UFSP2: variants seen among roughly 807,000 people sequenced by gnomAD.
UFSP2 encodes ufm1-specific protease 2.
In UFSP2, 43 loss-of-function variants were observed where a neutral mutation model predicts 60.2. The observed-to-expected ratio is 0.71, with a 90% CI of 0.56 to 0.92. The LOEUF is 0.92. Among genes scored for constraint, UFSP2 ranks in the 40% least tolerant of loss-of-function variants. The pLI is 0.00. For missense variants in UFSP2, 520 were observed against 575.0 expected (o/e 0.90, Z 0.98); for synonymous variants, 183 against 195.1 (o/e 0.94, Z 0.52).
chr4:185,401,360 C>A (rs182177443), intron 11 of UFSP2, among the ~76,000 whole-genome samples: 3 of 152,304 alleles, frequency 2.0e-5, no homozygotes, highest in Admixed American at 2.0e-4. Flanking sequence ...AATTTAATGT[C>A]CTAAAATCTG....
At chr4:185,404,623 T>C (rs1223595721) in intron 10 of UFSP2, among the ~76,000 whole-genome samples, 1 of 149,100 alleles carries the variant, frequency 6.7e-6, no homozygotes, top group African/African-American at 2.5e-5. Flanking sequence ...AGTCTTGCTC[T>C]GCTACCCAGG....
chr4:185,422,676 A>C, intron 1 of UFSP2, 113 bp from the exon 2 acceptor site: 2 of 754,294 alleles, frequency 2.7e-6, no homozygotes, highest in South Asian at 2.2e-5. Context: ...TGATTCTTCA[A>C]ATTATTTCAT....
rs762945790 is a variant in UFSP2 at position 185,405,789 on chromosome 4, C to G, written c.1189G>C (p.Val397Leu). 4 of 1,614,074 alleles carry G rather than the reference C, an allele frequency of 2.5e-6. No homozygotes were observed. The Admixed American group carries it at 6.7e-5, about 27-fold the overall frequency. ...GTCTGAAACAGCTTACCGATCATAA[C>G]TGGAGTTCCTTCACTTTGGAAATGA... ...ANHFQSEGTP[V>L]MIGGGVLAHT... The change falls in exon 10 of 12, where the codon GTT becomes CTT. Residue 397 changes from valine to leucine, a missense_variant. Transcript: ENST00000264689.
chr4:185,411,085 G>C (rs2095528484), intron 7 of UFSP2, among the ~76,000 whole-genome samples: 1 of 146,910 alleles, frequency 6.8e-6, no homozygotes, highest in Non-Finnish European at 1.5e-5. Context: ...ATCAAATACA[G>C]AAGTTATAAT....
intron 4 of UFSP2, among the ~76,000 whole-genome samples, chr4:185,416,480 A>G (rs1002784859): frequency 1.3e-5 from 2 of 152,180 alleles, no homozygotes; most frequent in Non-Finnish European, 2.9e-5. Flanking sequence ...TTTACACTAA[A>G]CTTATTTCGC....
At chr4:185,406,237 A>T in intron 9 of UFSP2, 1 of 265,628 alleles carries the variant, frequency 3.8e-6, no homozygotes, top group Non-Finnish European at 7.5e-6. Flanking sequence ...TCTTGCTGGT[A>T]GACTTCTTAG....
intron 11 of UFSP2, among the ~76,000 whole-genome samples, chr4:185,401,661 A>G (rs184996417): frequency 5.3e-4 from 81 of 152,300 alleles, no homozygotes; most frequent in Admixed American, 1.6e-3. Flanking sequence ...AAGTGAATCA[A>G]TAGTTTTAAT....
intron 11 of UFSP2, among the ~76,000 whole-genome samples, chr4:185,402,536 C>T (rs545468893): frequency 1.2e-4 from 18 of 152,264 alleles, no homozygotes; most frequent in Non-Finnish European, 7.4e-5. Flanking sequence ...GGTGCAATGG[C>T]GCCATCTCAG....
intron 11 of UFSP2, among the ~76,000 whole-genome samples, chr4:185,401,865 G>T (rs529656801): frequency 2.6e-5 from 4 of 152,306 alleles, no homozygotes; most frequent in African/African-American, 9.6e-5. Context: ...AGAGCCCCTT[G>T]AGTCAACCAG....
chr4:185,407,873 T>G, intron 9 of UFSP2, 63 bp downstream of exon 9: 3 of 1,523,872 alleles, frequency 2.0e-6, no homozygotes, highest in East Asian at 4.7e-5. Flanking sequence ...TTTCTATTAT[T>G]TTAATTAAAA....
chr4:185,420,969 C>G (rs1284229090), intron 2 of UFSP2, among the ~76,000 whole-genome samples: 1 of 152,100 alleles, frequency 6.6e-6, no homozygotes, highest in African/African-American at 2.4e-5. Context: ...AGTATGTTTT[C>G]AGTTTATATC....
rs1261933906 is a variant in UFSP2 at position 185,408,026 on chromosome 4, A to T, written c.1031T>A (p.Phe344Tyr). ...LVDAGDKPAT[F>Y]VGSRQWIGSI... ...TCCAATCCATTGCCGCGATCCGACA[A>T]ATGTTGCTGGTTTGTCCCCGGCATC... The change falls in exon 9 of 12, where the codon TTT (phenylalanine) becomes TAT (tyrosine). Residue 344 changes from phenylalanine to tyrosine, a missense_variant. Physicochemically the swap from Phe to Tyr is conservative, Grantham distance 22. Transcript: ENST00000264689. The T allele has an allele frequency of 1.9e-6, 3 of 1,613,946 alleles. No individual in the cohort carries two copies. The highest frequency in any genetic ancestry group is 2.5e-6 in the Non-Finnish European group (3 of 1,179,934).
Position 185,422,604 on chromosome 4 carries a change from A to G in UFSP2, c.4-41T>C, listed in dbSNP as rs1348656395. ...ATAAAGACAAACTCCCTTGTAAAAC[A>G]AAACAAACTCATATTCATATAAATT... On this transcript the variant is annotated intron_variant, in intron 1 of 11. Transcript: ENST00000264689. 3.5e-5 allele frequency: 47 copies of G among 1,333,324 alleles called. 2 individuals are homozygous for G. The East Asian group carries it at 1.1e-3, about 31-fold the overall frequency. The allele number at this position is 1,333,324 out of a possible 1,614,324, so 82.6% of individuals were successfully genotyped here.
intron 1 of UFSP2, among the ~76,000 whole-genome samples, chr4:185,422,856 A>G (rs939426255): frequency 6.6e-6 from 1 of 150,730 alleles, no homozygotes; most frequent in African/African-American, 2.4e-5. Flanking sequence ...GCCTAGGCAC[A>G]GGGATTTTGG....
intron 7 of UFSP2, among the ~76,000 whole-genome samples, chr4:185,409,630 G>A (rs1258005977): frequency 5.3e-5 from 8 of 152,200 alleles, no homozygotes; most frequent in Admixed American, 4.6e-4. Flanking sequence ...GTGACAGGCT[G>A]AAAAGTGGCT....
intron 9 of UFSP2, 148 bp from the exon 10 acceptor site, chr4:185,406,004 G>A (rs1431728443): frequency 8.7e-6 from 13 of 1,492,938 alleles, no homozygotes; most frequent in Non-Finnish European, 1.2e-5. Flanking sequence ...TTAGGGAACT[G>A]AGAGCAATTA....
At chr4:185,415,485 T>A in intron 5 of UFSP2, 138 bp from the exon 6 acceptor site, 1 of 842,406 alleles carries the variant, frequency 1.2e-6, no homozygotes, top group Non-Finnish European at 1.7e-6. Flanking sequence ...AATTATACAT[T>A]ATAAAAGAAA....
chr4:185,400,297 A>C lies in UFSP2; in HGVS notation c.*95T>G. 1.9e-6 allele frequency: 2 copies of C among 1,061,090 alleles called. No individual in the cohort carries two copies. Among genetic ancestry groups the C allele is most frequent in the Non-Finnish European group, 2.8e-6 (2 of 721,094 alleles). The allele number at this position is 1,061,090 out of a possible 1,614,324, so 65.7% of individuals were successfully genotyped here. On this transcript the variant is annotated 3_prime_UTR_variant, in exon 12 of 12. Coordinates refer to ENST00000264689, the MANE Select transcript of UFSP2 (RefSeq NM_018359.5). ...GAAAAAGGTCATAATTTAAATCGTCAAACTAGAACCAGGATTTAATGTGAA... is the reference window on the plus strand; with the variant it reads ...GAAAAAGGTCATAATTTAAATCGTCCAACTAGAACCAGGATTTAATGTGAA...
At chr4:185,405,642 A>T in intron 10 of UFSP2, 138 bp downstream of exon 10, 1 of 864,008 alleles carries the variant, frequency 1.2e-6, no homozygotes, top group African/African-American at 1.7e-5. Flanking sequence ...TTCAATATCC[A>T]GAGATCCATA....
Sources: gnomAD v4.1 joint callset for allele counts (sites outside exome capture counted in the v4.1 genomes callset) on GRCh38, gnomAD v4.1.1 for gene constraint, MANE v1.5 for transcripts, NCBI Gene and HGNC (gene_info 2026-07-23, HGNC 2026-07-21) for gene names.